The following UNC45A variants were observed in gnomAD, a reference collection of about 807,000 sequenced individuals.
UNC45A encodes protein unc-45 homolog A.
Under a neutral mutation model 103.2 loss-of-function variants are expected in UNC45A, and 78 were observed. The observed-to-expected ratio is 0.76, with a 90% confidence interval of 0.63 to 0.91. The LOEUF (loss-of-function observed/expected upper bound fraction) is 0.91, where lower values mean the gene tolerates loss of function less well. Ranked by LOEUF, UNC45A falls within the 40% of genes least tolerant of loss-of-function variation. The pLI is 0.00. For missense variants in UNC45A, 1,193 were observed against 1,224.8 expected, an observed-to-expected ratio of 0.97 and a Z score of 0.39; for synonymous variants, 495 against 504.6, an observed-to-expected ratio of 0.98 and a Z score of 0.25.
At chr15:90,946,374 A>T (rs896146204) in intron 9 of UNC45A, among the ~76,000 whole-genome samples, 3 of 152,234 alleles carry the variant, frequency 2.0e-5, no homozygotes, top group African/African-American at 7.2e-5. Flanking sequence ...AGGAAGGGAC[A>T]TCACTGGTGG....
chr15:90,945,086 C>A, intron 9 of UNC45A, 23 bp downstream of exon 9: 1 of 1,606,566 alleles, frequency 6.2e-7, no homozygotes, highest in Non-Finnish European at 8.5e-7. Flanking sequence ...GTTTCACCTC[C>A]CGTTGCCAGG....
intron 6 of UNC45A, among the ~76,000 whole-genome samples, chr15:90,941,732 G>T (rs762849513): frequency 6.6e-6 from 1 of 152,062 alleles, no homozygotes; most frequent in African/African-American, 2.4e-5. Flanking sequence ...GGCCGAGGCG[G>T]GCAGATCACG....
intron 17 of UNC45A, 21 bp downstream of exon 17, chr15:90,950,636 G>A (rs757945836): frequency 3.5e-5 from 56 of 1,610,820 alleles, no homozygotes; most frequent in East Asian, 4.5e-5. Context: ...TTGGGATTGC[G>A]GGGCCTGGAC....
At chr15:90,931,270 A>G, upstream of UNC45A, 1 of 1,550,778 alleles carries the variant, frequency 6.4e-7, no homozygotes, top group South Asian at 1.2e-5. Context: ...AGCTTCAAGC[A>G]CTGATCAGAT....
Position 90,953,329 on chromosome 15 carries a change from T to TG in UNC45A, c.2577+24dup, listed in dbSNP as rs1236926761. 6.2e-7 allele frequency: 1 copy of TG among 1,601,532 alleles called. No homozygotes were observed. The highest frequency in any genetic ancestry group is 1.3e-5 in the African/African-American group (1 of 74,728). On this transcript the variant is annotated intron_variant, in intron 19 of 19. Transcript: ENST00000418476. ...CCAAGTGGTCAGTGCCTCTTCTCAG[T>TG]GGGGGAGGAGGGACGGACCAGGAAC... is the stretch of plus-strand genomic sequence containing the variant.
At chr15:90,951,533 C>T (rs2036912378) in intron 17 of UNC45A, among the ~76,000 whole-genome samples, 1 of 152,088 alleles carries the variant, frequency 6.6e-6, no homozygotes, top group Admixed American at 6.5e-5. Flanking sequence ...GAGGATGAGG[C>T]AGGAGGATCA....
upstream of UNC45A, chr15:90,932,627 G>T: frequency 1.2e-6 from 1 of 824,258 alleles, no homozygotes; most frequent in Non-Finnish European, 1.6e-6. Flanking sequence ...CCCGGGGATC[G>T]TGGAGGCTAA....
intron 13 of UNC45A, 121 bp downstream of exon 13, chr15:90,948,915 C>T: frequency 8.2e-7 from 1 of 1,219,778 alleles, no homozygotes; most frequent in Non-Finnish European, 1.1e-6. Flanking sequence ...GTCTCACTGT[C>T]TCCCAGGCTG....
At position 90,948,717 on chromosome 15, in the gene UNC45A, G is replaced by A. The variant is rs2151373170; in HGVS notation, c.1801G>A (p.Asp601Asn). 3 of 1,614,064 alleles carry A rather than the reference G, an allele frequency of 1.9e-6. No homozygotes were observed. In the Admixed American group the frequency reaches 5.0e-5, roughly 27 times the overall value. The change falls in exon 13 of 20, where the codon GAC (aspartate) becomes AAC (asparagine). Residue 601 changes from aspartate (D) to asparagine (N), a missense_variant. Physicochemically the swap from Asp to Asn is conservative, Grantham distance 23. Transcript: ENST00000418476. ...SALVNCTNSY[D>N]YEEPDPKMVE... is the part of the protein sequence containing the mutation. ...GCTGGTGAACTGCACCAACAGCTATGACTACGAGGAGCCCGACCCCAAGAT... is the reference window on the plus strand; with the variant it reads ...GCTGGTGAACTGCACCAACAGCTATAACTACGAGGAGCCCGACCCCAAGAT...
At chr15:90,934,243 G>A (rs961753145), upstream of UNC45A, 4 of 399,122 alleles carry the variant, frequency 1.0e-5, no homozygotes, top group Non-Finnish European at 1.8e-5. Context: ...CTTTTCTTCT[G>A]GTAGGGGCTG....
chr15:90,932,568 C>CGCAGGG (rs1340558392), upstream of UNC45A: 99 of 1,223,414 alleles, frequency 8.1e-5, no homozygotes, highest in Admixed American at 5.4e-4. Flanking sequence ...CGACTGCGGC[C>CGCAGGG]GCAGGGGCAG....
At chr15:90,950,415 T>C in intron 16 of UNC45A, 85 bp from the exon 17 acceptor site, 2 of 1,503,316 alleles carry the variant, frequency 1.3e-6, no homozygotes, top group Non-Finnish European at 1.8e-6. Flanking sequence ...CAGTACTCTC[T>C]TGGGGGTGGG....
At chr15:90,932,223 C>G (rs2035825423), upstream of UNC45A, 3 of 1,219,792 alleles carry the variant, frequency 2.5e-6, no homozygotes, top group Admixed American at 5.6e-5. Context: ...AGCTGGGTGA[C>G]CTTGGTCAAG....
chr15:90,935,310 G>A lies in UNC45A; in HGVS notation c.-15G>A. 6.2e-7 allele frequency: 1 copy of A among 1,600,432 alleles called. No homozygotes were observed. The highest frequency in any genetic ancestry group is 1.7e-5 in the Admixed American group (1 of 58,570). On this transcript the variant is annotated 5_prime_UTR_variant, in exon 1 of 20. Transcript: ENST00000418476. ...AGAGACTGCGCCTGCGCGGGCACGA[G>A]ACAACCTCTCCGCGATGACTGTGAG...
chr15:90,940,650 C>T (rs1430742495), intron 6 of UNC45A, 177 bp downstream of exon 6: 1 of 686,546 alleles, frequency 1.5e-6, no homozygotes, highest in Non-Finnish European at 2.2e-6. Flanking sequence ...TGGTGCCTCA[C>T]ACCTGTAATC....
chr15:90,946,937 G>T, intron 10 of UNC45A, 23 bp downstream of exon 10: 1 of 1,546,706 alleles, frequency 6.5e-7, no homozygotes, highest in Non-Finnish European at 8.8e-7. Context: ...GCCTGGGGTG[G>T]GTGGGCAGGC....
chr15:90,931,082 C>T (rs1278661390), upstream of UNC45A: 1 of 617,206 alleles, frequency 1.6e-6, no homozygotes. Flanking sequence ...ATGGGTACAT[C>T]TGATTCCCAC....
chr15:90,940,253 G>A (rs1432899638), intron 5 of UNC45A, 53 bp from the exon 6 acceptor site: 2 of 1,561,736 alleles, frequency 1.3e-6, no homozygotes, highest in South Asian at 1.2e-5. Flanking sequence ...CACCAGTGCT[G>A]CATCCTATGC....
Position 90,942,589 on chromosome 15 carries a change from A to C in UNC45A, c.840A>C (p.Glu280Asp). The change falls in exon 7 of 20, where the codon GAA (glutamate) becomes GAC (aspartate). Residue 280 changes from glutamate to aspartate, a missense_variant. By Grantham distance (45) the Glu-to-Asp change is conservative. Transcript: ENST00000418476. The stretch of plus-strand genomic sequence containing the variant: ...TCAAAAAAGGCTTCCGAGGCAAAGA[A>C]GGTGCCATCATTGTGGGTGAGTGGA... ...EGVKKGFRGK[E>D]GAIIVDPARE... 6.2e-7 allele frequency: 1 copy of C among 1,614,212 alleles called. No homozygotes were observed. Among genetic ancestry groups the C allele is most frequent in the East Asian group, 2.2e-5 (1 of 44,884 alleles).
Sources: gnomAD v4.1 joint callset for allele counts (sites outside exome capture counted in the v4.1 genomes callset) on GRCh38, gnomAD v4.1.1 for gene constraint, MANE v1.5 for transcripts, NCBI Gene and HGNC (gene_info 2026-07-23, HGNC 2026-07-21) for gene names.